The following TFPT variants were observed in gnomAD, a reference collection of about 807,000 sequenced individuals.
TFPT encodes TCF3 fusion partner.
In TFPT, 27 loss-of-function variants were observed where a neutral mutation model predicts 28.8. That is an observed-to-expected ratio of 0.94 (90% CI 0.69 to 1.29). TFPT has a LOEUF of 1.29. Ranked by LOEUF, TFPT falls within the 50% of genes most tolerant of loss-of-function variation. The pLI is 0.00. For synonymous variants in TFPT, 152 were observed against 142.8 expected (o/e 1.06, Z -0.46); for missense variants, 330 against 338.0 (o/e 0.98, Z 0.19).
At chr19:54,108,628 T>A (rs1352424729) in intron 3 of TFPT, 17 of 1,500,006 alleles carry the variant, frequency 1.1e-5, no homozygotes, top group Non-Finnish European at 1.2e-5. Context: ...GCAAACGACA[T>A]GACACCCTCG....
chr19:54,113,839 G>A (rs894174782), intron 2 of TFPT, among the ~76,000 whole-genome samples: 1 of 152,070 alleles, frequency 6.6e-6, no homozygotes, highest in Non-Finnish European at 1.5e-5. Flanking sequence ...CTACAGGTGC[G>A]CACCACCACA....
chr19:54,109,874 T>TCCACCCGGC (rs2073400196), intron 3 of TFPT, among the ~76,000 whole-genome samples, 177 bp downstream of exon 3: 1,296 of 150,760 alleles, frequency 8.6e-3, no homozygotes, highest in Non-Finnish European at 9.5e-3. Flanking sequence ...CTCAGCCCTC[T>TCCACCCGGC]CCTCCAACAC....
At chr19:54,114,765 C>T (rs2073570058) in intron 1 of TFPT, 65 bp from the exon 2 acceptor site, 6 of 1,544,114 alleles carry the variant, frequency 3.9e-6, no homozygotes, top group Non-Finnish European at 5.2e-6. Context: ...TCCCACTGAA[C>T]CAGGAGCCCA....
chr19:54,112,524 C>T (rs1400553604), intron 2 of TFPT, among the ~76,000 whole-genome samples: 3 of 152,076 alleles, frequency 2.0e-5, no homozygotes, highest in South Asian at 2.1e-4. Context: ...TGTGGTGGCT[C>T]ATGCCTGTAA....
intron 3 of TFPT, 67 bp from the exon 4 acceptor site, chr19:54,108,462 G>A: frequency 6.2e-7 from 1 of 1,613,828 alleles, no homozygotes. Flanking sequence ...AGGGCCACAG[G>A]ATAGAGCTCA....
rs1332082083 is a variant in TFPT at position 54,108,259 on chromosome 19, G to A, written c.424-15C>T. The A allele has an allele frequency of 1.9e-6, 3 of 1,576,740 alleles. No individual in the cohort carries two copies. The South Asian group carries it at 3.4e-5, about 18-fold the overall frequency. On this transcript the variant is annotated splice_polypyrimidine_tract_variant and intron_variant, in intron 4 of 5. Coordinates refer to ENST00000391759, the MANE Select transcript of TFPT (RefSeq NM_013342.4). ...CTGCCCTCATCCTGGCAGGCAGGAG[G>A]GGGAGGTAGGTGATGGGTGGGTCCT...
At chr19:54,113,091 C>A (rs1359207298) in intron 2 of TFPT, among the ~76,000 whole-genome samples, 1 of 61,728 alleles carries the variant, frequency 1.6e-5, no homozygotes. Context: ...GAGACTCCAC[C>A]TCAAAAAAAA....
chr19:54,112,746 G>A (rs757388249), intron 2 of TFPT, among the ~76,000 whole-genome samples: 10 of 152,064 alleles, frequency 6.6e-5, no homozygotes, highest in African/African-American at 1.9e-4. Context: ...CTGAGATTGC[G>A]CCACTGCACT....
At chr19:54,109,792 ATGCCCTCCACCC>A (rs2073389684) in intron 3 of TFPT, among the ~76,000 whole-genome samples, 69 of 28,752 alleles carry the variant, frequency 2.4e-3, no homozygotes, top group East Asian at 0.01. Context: ...CAGGGGGAGG[ATGCCCTCCACCC>A]GGCCCTCCCT....
chr19:54,108,129 C>T lies in TFPT; in HGVS notation c.539G>A (p.Ser180Asn). The T allele has an allele frequency of 6.3e-7, 1 of 1,580,296 alleles. No individual in the cohort carries two copies. The change falls in exon 5 of 6, where the codon AGC becomes AAC. Residue 180 changes from serine to asparagine, a missense_variant. Ser to Asn is a conservative substitution (Grantham distance 46). Transcript: ENST00000391759. ...ACTGGGCCCCTCACCGGGGGCTGGG[C>T]TGCCGGGTTCTGGGGGTGCAGGAGT... is the stretch of plus-strand genomic sequence containing the variant. ...RRTPAPPEPG[S>N]PAPGEGPSGR...
rs147735140 is a variant in TFPT at position 54,108,090 on chromosome 19, C to T, written c.578G>A (p.Arg193Gln). 3.9e-5 allele frequency: 61 copies of T among 1,564,334 alleles called. No homozygotes were observed. The highest frequency in any genetic ancestry group is 3.4e-4 in the East Asian group (15 of 44,442). Residue 193 changes from arginine to glutamine, a missense_variant, in exon 5 of 6, where the codon CGG becomes CAG. Arg to Gln is a conservative substitution (Grantham distance 43). Transcript: ENST00000391759. The stretch of plus-strand genomic sequence containing the variant: ...TCGGCGTCCATCCCGTGGCACTCGC[C>T]GCCTCTTCCGCCCACTGGGCCCCTC... ...PGEGPSGRKR[R>Q]RVPRDGRRAG...
At chr19:54,111,464 A>G (rs1383230673) in intron 2 of TFPT, among the ~76,000 whole-genome samples, 7 of 150,646 alleles carry the variant, frequency 4.6e-5, no homozygotes, top group Admixed American at 1.3e-4. Flanking sequence ...GTTGCAGACC[A>G]GCCCGGCCAA....
At chr19:54,107,416 GT>G in intron 5 of TFPT, 1 of 525,174 alleles carries the variant, frequency 1.9e-6, no homozygotes, top group Non-Finnish European at 3.3e-6. Context: ...AGCCTAACAT[GT>G]TTTTTCTTTT....
chr19:54,108,423 A>G, intron 3 of TFPT, 28 bp from the exon 4 acceptor site: 3 of 1,614,084 alleles, frequency 1.9e-6, no homozygotes, highest in Non-Finnish European at 2.5e-6. Context: ...CCACCAACGG[A>G]ATAACTTATC....
At position 54,115,375 on chromosome 19, in the gene TFPT, AC is replaced by A. The variant is rs2073596215; in HGVS notation, c.-107del. On this transcript the variant is annotated 5_prime_UTR_variant, in exon 1 of 6. Transcript: ENST00000391759. ...GTCCCATCAGGCTCAGCAGCCGAGG[AC>A]GGCGGGACGTGGCCCTAGGCCTTGT... is the stretch of plus-strand genomic sequence containing the variant. 4.5e-6 allele frequency: 7 copies of A among 1,547,772 alleles called. No homozygotes were observed. The highest frequency in any genetic ancestry group is 6.2e-6 in the Non-Finnish European group (7 of 1,126,338).
Position 54,115,263 on chromosome 19 carries a change from A to G in TFPT, c.7T>C (p.Leu3=), listed in dbSNP as rs748295977. The G allele has an allele frequency of 3.7e-6, 6 of 1,613,922 alleles. No individual in the cohort carries two copies. The highest frequency in any genetic ancestry group is 4.2e-6 in the Non-Finnish European group (5 of 1,179,970). The change falls in exon 1 of 6, where the codon TTG becomes CTG. Residue 3 remains leucine, a synonymous_variant. Transcript: ENST00000391759. The part of the protein sequence containing the change: ME[L]EQREGTMAAV... ...GCCACATACCCTTCTCTCTGCTCCA[A>G]TTCCATCTCCGCGACCTCCGGAAGC...
At chr19:54,111,670 ACT>A (rs754163298) in intron 2 of TFPT, among the ~76,000 whole-genome samples, 86 of 116,914 alleles carry the variant, frequency 7.4e-4, no homozygotes, top group Non-Finnish European at 9.5e-4. Context: ...ACAGAGTAAG[ACT>A]CTGTCTCAAA....
intron 2 of TFPT, among the ~76,000 whole-genome samples, chr19:54,111,848 C>T (rs139648569): frequency 1.1e-3 from 166 of 151,878 alleles, no homozygotes; most frequent in African/African-American, 3.7e-3. Flanking sequence ...GGTGTAGTGG[C>T]GCATGCCTGT....
At chr19:54,109,452 G>T (rs902065691) in intron 3 of TFPT, among the ~76,000 whole-genome samples, 2 of 152,288 alleles carry the variant, frequency 1.3e-5, no homozygotes, top group Non-Finnish European at 2.9e-5. Context: ...CAAGGACTGA[G>T]ATGAGAACTG....
Sources: allele counts gnomAD v4.1 joint callset (sites outside exome capture counted in the v4.1 genomes callset), GRCh38; gene constraint gnomAD v4.1.1; transcripts MANE v1.5; gene names NCBI Gene and HGNC (gene_info 2026-07-23, HGNC 2026-07-21).